MED12L: variants seen among roughly 807,000 people sequenced by gnomAD.
MED12L encodes the protein mediator complex subunit 12L, also known as mediator of RNA polymerase II transcription subunit 12-like protein.
In MED12L, 60 loss-of-function variants were observed where a neutral mutation model predicts 281.3. The ratio of observed to expected loss-of-function variants is 0.21; its 90% CI spans 0.17 to 0.26. The LOEUF is 0.26. MED12L is among the 10% of genes least tolerant of loss of function. The probability of loss-of-function intolerance (pLI) is 1.00; values close to 1 mark genes in which losing one functional copy is unlikely to be tolerated. For synonymous variants in MED12L, 974 were observed against 987.2 expected (o/e 0.99, Z 0.25); for missense variants, 2,146 against 2,680.9 (o/e 0.80, Z 4.41).
rs376549148 is a variant in MED12L at position 151,367,780 on chromosome 3, C to A, written c.3448+14C>A. On this transcript the variant is annotated intron_variant, in intron 24 of 44. Transcript: ENST00000687756. ...TTCTAGCAGCAGGTAAGGCAGCATCCATGAACATCCGTTGCTCTTTGATTG... is the reference window on the plus strand; with the variant it reads ...TTCTAGCAGCAGGTAAGGCAGCATCAATGAACATCCGTTGCTCTTTGATTG... 3 of 1,594,576 alleles carry A rather than the reference C, an allele frequency of 1.9e-6. No individual in the cohort carries two copies. The African/African-American group carries it at 4.0e-5, about 21-fold the overall frequency.
chr3:151,110,625 A>AGAG (rs1711723187), intron 2 of MED12L, among the ~76,000 whole-genome samples: 1 of 152,220 alleles, frequency 6.6e-6, no homozygotes, highest in Non-Finnish European at 1.5e-5. Context: ...TCCCTGACCT[A>AGAG]AAGTTTTGTA....
chr3:151,367,798 TTTGA>T lies in MED12L; in HGVS notation c.3448+36_3448+39del, dbSNP rs764885791. On this transcript the variant is annotated intron_variant, in intron 24 of 44. Coordinates refer to ENST00000687756, the MANE Select transcript of MED12L (RefSeq NM_001393769.1). ...CAGCATCCATGAACATCCGTTGCTC[TTTGA>T]TTGTTGTCTTGATGGAGTGGTTTCT... 22 of 1,578,886 alleles carry T rather than the reference TTTGA, an allele frequency of 1.4e-5. No homozygotes were observed. In the East Asian group the frequency reaches 4.5e-4, roughly 32 times the overall value.
rs780480031 is a variant in MED12L at position 151,382,613 on chromosome 3, AGAAAAATTAAACTT to A, written c.4591-42_4591-29del. 1.2e-5 allele frequency: 17 copies of A among 1,429,878 alleles called. No individual in the cohort carries two copies. In the African/African-American group the frequency reaches 2.0e-4, roughly 17 times the overall value. The allele number at this position is 1,429,878 out of a possible 1,614,324, so 88.6% of individuals were successfully genotyped here. ...AAAGCTCAATTTATCTTTAAATGAG[AGAAAAATTAAACTT>A]TAATGGGGAGTTTTTTTCCGGATCT... is the stretch of plus-strand genomic sequence containing the variant. On this transcript the variant is annotated intron_variant, in intron 32 of 44. Coordinates refer to ENST00000687756, the MANE Select transcript of MED12L (RefSeq NM_001393769.1).
intron 1 of MED12L, 118 bp from the exon 2 acceptor site, chr3:151,086,680 A>C (rs1719258366): frequency 2.7e-6 from 1 of 364,178 alleles, no homozygotes. Flanking sequence ...CCGCCACCGG[A>C]GCGGTGCGTC....
At chr3:151,296,633 T>C (rs1321678744) in intron 16 of MED12L, among the ~76,000 whole-genome samples, 3 of 152,018 alleles carry the variant, frequency 2.0e-5, no homozygotes, top group Non-Finnish European at 4.4e-5. Context: ...GCCAGCCTTC[T>C]GCTTGTCCCC....
chr3:151,385,268 T>G (rs573111276), intron 36 of MED12L, 77 bp downstream of exon 36: 18 of 775,594 alleles, frequency 2.3e-5, no homozygotes, highest in Middle Eastern at 4.0e-4. Context: ...TACCATAGGA[T>G]ATATAAAATA....
chr3:151,283,898 C>T (rs2149630177), intron 16 of MED12L, among the ~76,000 whole-genome samples: 1 of 152,092 alleles, frequency 6.6e-6, no homozygotes, highest in South Asian at 2.1e-4. Context: ...TGTCTGAATC[C>T]CTGACCTGCA....
intron 16 of MED12L, among the ~76,000 whole-genome samples, chr3:151,226,978 C>T (rs771869969): frequency 1.4e-4 from 22 of 152,292 alleles, no homozygotes; most frequent in Non-Finnish European, 2.6e-4. Flanking sequence ...ACGCAGATCC[C>T]CTGGGGCCCC....
chr3:151,414,638 T>TC (rs1370143080), intron 42 of MED12L, among the ~76,000 whole-genome samples: 1 of 152,160 alleles, frequency 6.6e-6, no homozygotes, highest in African/African-American at 2.4e-5. Flanking sequence ...GAACTGGGCT[T>TC]CCCAATTATA....
chr3:151,428,193 A>C (rs1560154248), intron 43 of MED12L, among the ~76,000 whole-genome samples: 1 of 152,218 alleles, frequency 6.6e-6, no homozygotes, highest in Non-Finnish European at 1.5e-5. Flanking sequence ...TGGATAAGAG[A>C]TTGAGGACAG....
In MED12L at chr3:151,387,950, C is replaced by T. The variant is rs775734836; in HGVS notation, c.5229C>T (p.His1743=). The T allele has an allele frequency of 2.4e-5, 38 of 1,613,944 alleles. No homozygotes were observed. In the Middle Eastern group the frequency reaches 6.6e-4, roughly 28 times the overall value. The change falls in exon 37 of 45, where the codon CAC becomes CAT. Residue 1743 remains histidine, a synonymous_variant. Transcript: ENST00000687756. ...TGATCAAGTACGAGGAGCAGCATCACCTCCTGCTGTATCACACACACCCCA... is the reference window on the plus strand; with the variant it reads ...TGATCAAGTACGAGGAGCAGCATCATCTCCTGCTGTATCACACACACCCCA... ...RRVIKYEEQH[H]LLLYHTHPMP... is the part of the protein sequence containing the mutation.
chr3:151,091,953 T>C (rs1404231061), intron 2 of MED12L, among the ~76,000 whole-genome samples: 1 of 151,828 alleles, frequency 6.6e-6, no homozygotes, highest in African/African-American at 2.4e-5. Context: ...ATCGTGCCTG[T>C]CACACAGGCA....
intron 43 of MED12L, among the ~76,000 whole-genome samples, chr3:151,419,876 G>A (rs921072188): frequency 6.0e-5 from 9 of 150,608 alleles, no homozygotes; most frequent in African/African-American, 2.0e-4. Context: ...TAAGATATTA[G>A]TACAAGTGTA....
intron 16 of MED12L, among the ~76,000 whole-genome samples, chr3:151,206,217 C>T (rs751697812): frequency 6.6e-6 from 1 of 151,570 alleles, no homozygotes; most frequent in African/African-American, 2.4e-5. Context: ...GAAATGTAGA[C>T]GTATGGTTTC....
intron 16 of MED12L, among the ~76,000 whole-genome samples, chr3:151,247,962 C>CTTTTTTTTTTTTTTTTTTTTTTTT (rs61102632): frequency 5.3e-5 from 4 of 75,902 alleles, no homozygotes; most frequent in Non-Finnish European, 9.8e-5. Flanking sequence ...TCTTCTTCTT[C>CTTTTTTTTTTTTTTTTTTTTTTTT]TTTTTTTTTT....
chr3:151,149,645 T>A (rs1718196389), intron 5 of MED12L, among the ~76,000 whole-genome samples: 1 of 152,238 alleles, frequency 6.6e-6, no homozygotes, highest in Non-Finnish European at 1.5e-5. Flanking sequence ...ATTCATTGAC[T>A]CTTCATTTTA....
intron 16 of MED12L, among the ~76,000 whole-genome samples, chr3:151,296,635 C>T (rs1745132999): frequency 6.6e-6 from 1 of 151,912 alleles, no homozygotes; most frequent in African/African-American, 2.4e-5. Context: ...CAGCCTTCTG[C>T]TTGTCCCCAT....
At chr3:151,256,005 T>A (rs1177720882) in intron 16 of MED12L, among the ~76,000 whole-genome samples, 1 of 152,230 alleles carries the variant, frequency 6.6e-6, no homozygotes, top group Non-Finnish European at 1.5e-5. Flanking sequence ...GGGTCTCTTT[T>A]TACTATGACA....
chr3:151,090,038 A>G (rs1360199121), intron 2 of MED12L, among the ~76,000 whole-genome samples: 1 of 151,990 alleles, frequency 6.6e-6, no homozygotes, highest in Non-Finnish European at 1.5e-5. Context: ...GGGCTCCTGC[A>G]TATTCTGTTC....
Sources: allele counts gnomAD v4.1 joint callset (sites outside exome capture counted in the v4.1 genomes callset), GRCh38; gene constraint gnomAD v4.1.1; transcripts MANE v1.5; gene names NCBI Gene and HGNC (gene_info 2026-07-23, HGNC 2026-07-21).